PCDH7: variants seen among roughly 807,000 people sequenced by gnomAD.
The protein encoded by PCDH7 is protocadherin-7.
In PCDH7, 17 loss-of-function variants were observed where a neutral mutation model predicts 58.9. The observed-to-expected ratio is 0.29, with a 90% CI of 0.20 to 0.43. The LOEUF (loss-of-function observed/expected upper bound fraction) is 0.43, where lower values mean the gene tolerates loss of function less well. PCDH7 is among the 20% of genes least tolerant of loss of function. The pLI, the probability that PCDH7 is intolerant of heterozygous loss-of-function variation, is 1.00. For missense variants in PCDH7, 1,274 were observed against 1,441.0 expected (o/e 0.88, Z 1.88); for synonymous variants, 664 against 616.4 (o/e 1.08, Z -1.14).
intron 3 of PCDH7, among the ~76,000 whole-genome samples, chr4:31,054,223 C>T (rs888847768): frequency 5.3e-5 from 8 of 152,186 alleles, no homozygotes; most frequent in South Asian, 4.1e-4. Context: ...GCCTCAGCAT[C>T]CCAGAGTGCT....
chr4:31,011,869 T>G (rs972572821), intron 3 of PCDH7, among the ~76,000 whole-genome samples: 1 of 152,060 alleles, frequency 6.6e-6, no homozygotes, highest in African/African-American at 2.4e-5. Context: ...ATAATTATTT[T>G]TTAAGGTCTA....
chr4:30,985,010 A>G (rs188825243), intron 3 of PCDH7, among the ~76,000 whole-genome samples: 58 of 152,082 alleles, frequency 3.8e-4, no homozygotes, highest in African/African-American at 1.3e-3. Context: ...TCCGTCGCCC[A>G]GACTGGAGTG....
intron 1 of PCDH7, among the ~76,000 whole-genome samples, chr4:30,740,890 T>TG (rs1553876606): frequency 7.2e-5 from 11 of 151,938 alleles, no homozygotes; most frequent in Non-Finnish European, 1.2e-4. Context: ...TGCTTTTTTT[T>TG]CAAAGAATAT....
At chr4:30,946,085 A>G (rs985768329) in intron 2 of PCDH7, among the ~76,000 whole-genome samples, 1 of 152,200 alleles carries the variant, frequency 6.6e-6, no homozygotes, top group Admixed American at 6.5e-5. Flanking sequence ...AGACTGTGGG[A>G]AAGTTCGAGA....
intron 1 of PCDH7, among the ~76,000 whole-genome samples, chr4:30,781,034 T>C (rs549436767): frequency 6.6e-6 from 1 of 152,178 alleles, no homozygotes; most frequent in Non-Finnish European, 1.5e-5. Context: ...TTTCAAAAGA[T>C]AAATAAAAGT....
intron 3 of PCDH7, among the ~76,000 whole-genome samples, chr4:31,079,334 A>G (rs1360468950): frequency 1.5e-5 from 1 of 64,676 alleles, no homozygotes; most frequent in Non-Finnish European, 2.9e-5. Context: ...ATATATATAT[A>G]TATATATATA....
At chr4:30,860,893 T>A (rs551146395) in intron 1 of PCDH7, among the ~76,000 whole-genome samples, 1 of 152,284 alleles carries the variant, frequency 6.6e-6, no homozygotes, top group African/African-American at 2.4e-5. Context: ...CCCAGTATGC[T>A]GTCATCTGCT....
At position 30,813,064 on chromosome 4, in the gene PCDH7, G is replaced by A. The variant is rs1727215744; in HGVS notation, c.70+88468G>A. On this transcript the variant is annotated intron_variant, in intron 1 of 3. Coordinates refer to the PCDH7 transcript ENST00000509759. ...CTAGAACTTTTGCAGATCAATCTTA[G>A]CCTATAGGAGAGCTGCTGGAAATAA... Among the ~76,000 whole-genome samples the A allele has an allele frequency of 2.0e-5, 3 of 152,126 alleles. No homozygotes were observed. In the South Asian group the frequency reaches 6.2e-4, roughly 32 times the overall value.
chr4:30,846,650 T>C (rs574593128), intron 1 of PCDH7, among the ~76,000 whole-genome samples: 3 of 152,274 alleles, frequency 2.0e-5, no homozygotes, highest in African/African-American at 7.2e-5. Context: ...CCACCCAAGT[T>C]GTGAGGATCA....
intron 3 of PCDH7, among the ~76,000 whole-genome samples, chr4:31,097,627 T>A (rs1476075734): frequency 4.8e-5 from 2 of 41,448 alleles, no homozygotes; most frequent in African/African-American, 2.2e-4. Flanking sequence ...TATATATATA[T>A]ATATATATAT....
At chr4:30,866,888 G>T (rs557665051) in intron 1 of PCDH7, among the ~76,000 whole-genome samples, 3 of 152,174 alleles carry the variant, frequency 2.0e-5, no homozygotes, top group African/African-American at 7.2e-5. Context: ...TAAACCTGAC[G>T]TTTTGTTTTC....
chr4:31,142,446 T>A (rs755734942), intron 3 of PCDH7, 27 bp from the exon 3 acceptor site: 1 of 1,354,952 alleles, frequency 7.4e-7, no homozygotes, highest in South Asian at 1.2e-5. Flanking sequence ...TGTCAAATAC[T>A]AATGGCTTAT....
intron 3 of PCDH7, among the ~76,000 whole-genome samples, chr4:31,053,012 C>T (rs1756880528): frequency 6.6e-6 from 1 of 151,696 alleles, no homozygotes. Flanking sequence ...TTTTTTTTTA[C>T]CAGCGCTTTC....
At chr4:31,083,000 C>A (rs1014810733) in intron 3 of PCDH7, among the ~76,000 whole-genome samples, 3 of 152,006 alleles carry the variant, frequency 2.0e-5, no homozygotes, top group Non-Finnish European at 1.5e-5. Flanking sequence ...CCCAGCTACT[C>A]GGGAGGCTGA....
At chr4:30,852,829 G>GAAAAAAAAAAAAAAAA (rs58210433) in intron 1 of PCDH7, among the ~76,000 whole-genome samples, 1 of 74,608 alleles carries the variant, frequency 1.3e-5, no homozygotes, top group African/African-American at 4.8e-5. Context: ...TCAAGCACAG[G>GAAAAAAAAAAAAAAAA]AAAAAAAAAA....
chr4:30,947,141 C>T (rs913263789), intron 2 of PCDH7, among the ~76,000 whole-genome samples: 4 of 152,118 alleles, frequency 2.6e-5, no homozygotes, highest in African/African-American at 4.8e-5. Flanking sequence ...GTGTTATCAG[C>T]CTCTTAATAT....
chr4:30,731,363 A>G (rs61796160), exon 2 of PCDH7: 19,374 of 137,206 alleles, frequency 0.14, 1,580 homozygotes, highest in East Asian at 0.29. Context: ...GTGTGTGTGT[A>G]TATATATATA....
intron 1 of PCDH7, among the ~76,000 whole-genome samples, chr4:30,857,802 G>A (rs1239258232): frequency 6.6e-6 from 1 of 151,908 alleles, no homozygotes; most frequent in African/African-American, 2.4e-5. Flanking sequence ...TTTTTGTTCT[G>A]GATCGTTTCT....
intron 1 of PCDH7, among the ~76,000 whole-genome samples, chr4:30,915,541 T>C (rs1197610797): frequency 6.6e-6 from 1 of 152,174 alleles, no homozygotes; most frequent in African/African-American, 2.4e-5. Flanking sequence ...GTTGTTGTTT[T>C]TGAGATGGAG....
Sources: allele counts gnomAD v4.1 joint callset (sites outside exome capture counted in the v4.1 genomes callset), GRCh38; gene constraint gnomAD v4.1.1; transcripts MANE v1.5; gene names NCBI Gene and HGNC (gene_info 2026-07-23, HGNC 2026-07-21).